Variants in DCHS2 observed in about 807,000 individuals in gnomAD.
DCHS2 encodes the protein dachsous cadherin-related 2.
A neutral mutation model predicts 182.4 loss-of-function variants in DCHS2; 142 were observed. The ratio of observed to expected loss-of-function variants is 0.78; its 90% CI spans 0.68 to 0.89. The LOEUF (loss-of-function observed/expected upper bound fraction) is 0.89. Ranked by LOEUF, DCHS2 falls within the 40% of genes least tolerant of loss-of-function variation. The pLI, the probability that DCHS2 is intolerant of heterozygous loss-of-function variation, is 0.00. For synonymous variants in DCHS2, 1,740 were observed against 1,663.3 expected (o/e 1.05, Z -1.12); for missense variants, 4,319 against 4,198.6 (o/e 1.03, Z -0.79).
chr4:154,490,314 C>T lies in DCHS2; in HGVS notation c.1042G>A (p.Gly348Arg), dbSNP rs573611481. 6.5e-7 allele frequency: 1 copy of T among 1,545,408 alleles called. No individual in the cohort carries two copies. Among genetic ancestry groups the T allele is most frequent in the Non-Finnish European group, 8.7e-7 (1 of 1,146,404 alleles). ...AAGTAGGCCGCGTCGCCCAGTGCCC[C>T]GCCGCCGCTACCCGCCCCAGGCACT... is the stretch of plus-strand genomic sequence containing the variant. ...RQVPGAGSGGGALGDAAYFAV... is the reference protein window; with the variant it reads ...RQVPGAGSGGRALGDAAYFAV... Residue 348 changes from glycine (G) to arginine (R), a missense_variant, in exon 1 of 20, where the codon GGG becomes AGG. Transcript: ENST00000357232.
Position 154,489,379 on chromosome 4 carries a change from A to T in DCHS2, c.1977T>A (p.Asn659Lys), listed in dbSNP as rs1728703747. The T allele has an allele frequency of 6.4e-7, 1 of 1,551,270 alleles. No homozygotes were observed. Among genetic ancestry groups the T allele is most frequent in the Non-Finnish European group, 8.7e-7 (1 of 1,146,684 alleles). Residue 659 changes from asparagine to lysine, a missense_variant, in exon 1 of 20, where the codon AAT becomes AAA. Coordinates refer to ENST00000357232, the MANE Select transcript of DCHS2 (RefSeq NM_001358235.2). ...ACACCTGCCTCCAGAAGATGGGCTC[A>T]TTGTCATTCACATCATCTACGGTGA... ...VSITVDDVND[N>K]EPIFWRQVYN...
intron 13 of DCHS2, among the ~76,000 whole-genome samples, chr4:154,294,878 A>G (rs1717243734): frequency 6.6e-6 from 1 of 152,242 alleles, no homozygotes; most frequent in African/African-American, 2.4e-5. Context: ...TAGGCTGATG[A>G]CACTCAACAC....
chr4:154,234,214 A>G lies in DCHS2; in HGVS notation c.*322T>C, dbSNP rs1731330138. ...AGTACACTATATTTTGTTTCCATAT[A>G]AACATTCTGGCAGTCAGTTAAGTTC... is the stretch of plus-strand genomic sequence containing the variant. On this transcript the variant is annotated 3_prime_UTR_variant, in exon 20 of 20. Coordinates refer to ENST00000357232, the MANE Select transcript of DCHS2 (RefSeq NM_001358235.2). The G allele has an allele frequency of 4.4e-6, 1 of 226,318 alleles. No individual in the cohort carries two copies. Among genetic ancestry groups the G allele is most frequent in the Non-Finnish European group, 8.6e-6 (1 of 116,684 alleles). The allele number at this position is 226,318 out of a possible 1,614,324, so 14.0% of individuals were successfully genotyped here. A position where few individuals can be genotyped will look rare whatever the true frequency, so the allele number is the denominator to read the frequency against.
At chr4:154,469,185 G>A (rs768660486) in intron 1 of DCHS2, among the ~76,000 whole-genome samples, 11 of 150,446 alleles carry the variant, frequency 7.3e-5, no homozygotes, top group Non-Finnish European at 1.5e-4. Flanking sequence ...GTCAAGGGAG[G>A]CTGGTGAACT....
At chr4:154,366,560 G>T in intron 2 of DCHS2, 119 bp from the exon 3 acceptor site, 1 of 699,680 alleles carries the variant, frequency 1.4e-6, no homozygotes, top group Non-Finnish European at 2.5e-6. Context: ...GTGGGGGTTT[G>T]TATATGTATA....
rs1024146478 is a variant in DCHS2, at chr4:154,370,791, G to A, written c.2245-4350C>T. Among the ~76,000 whole-genome samples the A allele has an allele frequency of 6.6e-5, 10 of 152,308 alleles. No homozygotes were observed. In the South Asian group the frequency reaches 1.0e-3, roughly 16 times the overall value. On this transcript the variant is annotated intron_variant, in intron 2 of 19. Coordinates refer to ENST00000357232, the MANE Select transcript of DCHS2 (RefSeq NM_001358235.2). The stretch of plus-strand genomic sequence containing the variant: ...GTACTTCAGCTGCTGAGATGGCAGT[G>A]CAGAAAATGCAGCGTCAGATTTACG...
At chr4:154,446,391 T>A (rs553593190) in intron 1 of DCHS2, among the ~76,000 whole-genome samples, 1 of 152,050 alleles carries the variant, frequency 6.6e-6, no homozygotes, top group South Asian at 2.1e-4. Context: ...TTACATAGAG[T>A]GAAGAAGGTA....
chr4:154,300,096 G>T (rs1285512705), intron 12 of DCHS2, among the ~76,000 whole-genome samples: 1 of 152,196 alleles, frequency 6.6e-6, no homozygotes, highest in Non-Finnish European at 1.5e-5. Flanking sequence ...CCCGTGGGAA[G>T]TTCTAGGAAT....
intron 1 of DCHS2, among the ~76,000 whole-genome samples, chr4:154,394,452 G>A (rs946886391): frequency 1.3e-5 from 2 of 152,210 alleles, no homozygotes; most frequent in East Asian, 1.9e-4. Context: ...TGTAGAAACC[G>A]AATAACTCAT....
At chr4:154,482,606 T>C (rs7691208) in intron 1 of DCHS2, among the ~76,000 whole-genome samples, 29,629 of 152,230 alleles carry the variant, frequency 0.19, 3,354 homozygotes, top group Non-Finnish European at 0.27. Context: ...TATTACAAAC[T>C]ATGAAAGAGT....
intron 4 of DCHS2, 122 bp from the exon 5 acceptor site, chr4:154,333,616 C>T: frequency 3.3e-6 from 3 of 909,258 alleles, no homozygotes; most frequent in South Asian, 3.5e-5. Flanking sequence ...TGATGGATCA[C>T]ATATACTATG....
chr4:154,485,917 T>G (rs1728563939), intron 1 of DCHS2, among the ~76,000 whole-genome samples: 1 of 152,204 alleles, frequency 6.6e-6, no homozygotes, highest in Non-Finnish European at 1.5e-5. Flanking sequence ...GAAGTTAATC[T>G]TTTTGACAGT....
chr4:154,269,658 C>T (rs866459656), intron 14 of DCHS2, among the ~76,000 whole-genome samples: 34 of 152,156 alleles, frequency 2.2e-4, no homozygotes, highest in South Asian at 1.0e-3. Flanking sequence ...GCTAATTTAT[C>T]TTCAAAAATT....
At chr4:154,331,508 G>A (rs1736523667) in intron 5 of DCHS2, 2 of 1,497,724 alleles carry the variant, frequency 1.3e-6, no homozygotes, top group African/African-American at 1.4e-5. Flanking sequence ...GTGAATGAGA[G>A]TGGAAAGGCA....
At chr4:154,421,685 C>T (rs889951587) in intron 1 of DCHS2, among the ~76,000 whole-genome samples, 3 of 152,224 alleles carry the variant, frequency 2.0e-5, no homozygotes, top group South Asian at 2.1e-4. Flanking sequence ...TAAGCCACCA[C>T]GCCCGAACTC....
intron 10 of DCHS2, among the ~76,000 whole-genome samples, chr4:154,306,893 G>A (rs367781377): frequency 6.6e-6 from 1 of 151,998 alleles, no homozygotes; most frequent in Non-Finnish European, 1.5e-5. Context: ...ATCCTCTAAT[G>A]TGCTTCACCA....
chr4:154,317,596 T>C (rs1173149039), intron 9 of DCHS2, among the ~76,000 whole-genome samples: 1 of 152,194 alleles, frequency 6.6e-6, no homozygotes, highest in Non-Finnish European at 1.5e-5. Context: ...ATATCTGAGA[T>C]TTTTTTCATT....
intron 2 of DCHS2, among the ~76,000 whole-genome samples, chr4:154,374,843 A>T (rs1730813955): frequency 6.6e-6 from 1 of 152,156 alleles, no homozygotes; most frequent in South Asian, 2.1e-4. Flanking sequence ...GAAAAATATA[A>T]GTAAAGTCTC....
chr4:154,424,682 C>T (rs1000403664), intron 1 of DCHS2, among the ~76,000 whole-genome samples: 2 of 152,196 alleles, frequency 1.3e-5, no homozygotes, highest in Non-Finnish European at 2.9e-5. Flanking sequence ...TGCAACTTGT[C>T]AGAAACCTTA....
Sources: allele counts gnomAD v4.1 joint callset (sites outside exome capture counted in the v4.1 genomes callset), GRCh38; gene constraint gnomAD v4.1.1; transcripts MANE v1.5; gene names NCBI Gene and HGNC (gene_info 2026-07-23, HGNC 2026-07-21).